The following CCDC88A variants were observed in gnomAD, a reference collection of about 807,000 sequenced individuals.
CCDC88A encodes the protein coiled-coil and HOOK domain protein 88A.
In CCDC88A, 54 loss-of-function variants were observed where a neutral mutation model predicts 234.3. That is an observed-to-expected ratio of 0.23 (90% CI 0.19 to 0.29). The LOEUF is 0.29. CCDC88A is among the 10% of genes least tolerant of loss of function. CCDC88A has a pLI of 1.00. For missense variants in CCDC88A, 1,832 were observed against 2,123.4 expected, an observed-to-expected ratio of 0.86 and a Z score of 2.70; for synonymous variants, 753 against 737.8, an observed-to-expected ratio of 1.02 and a Z score of -0.33.
intron 31 of CCDC88A, chr2:55,295,369 TA>T: frequency 6.5e-7 from 1 of 1,536,018 alleles, no homozygotes; most frequent in South Asian, 1.2e-5. Flanking sequence ...TGGGCCACAG[TA>T]AATGGTCCTA....
chr2:55,414,965 C>A (rs746153596), intron 2 of CCDC88A, among the ~76,000 whole-genome samples: 5 of 150,838 alleles, frequency 3.3e-5, no homozygotes, highest in Non-Finnish European at 5.9e-5. Flanking sequence ...TACTCGGGAG[C>A]CTGAGGCAGG....
chr2:55,411,789 A>AC (rs1397198086), intron 2 of CCDC88A, among the ~76,000 whole-genome samples: 4 of 125,308 alleles, frequency 3.2e-5, no homozygotes, highest in Non-Finnish European at 5.1e-5. Context: ...CAAAAAAAAA[A>AC]AAAAAAAAAA....
In CCDC88A at chr2:55,335,295, C is replaced by G. The variant is rs1574156961; in HGVS notation, c.1657-131G>C. 5.8e-6 allele frequency: 3 copies of G among 520,390 alleles called. No individual in the cohort carries two copies. The highest frequency in any genetic ancestry group is 6.5e-5 in the East Asian group (2 of 30,774). The allele number at this position is 520,390 out of a possible 1,614,324, so 32.2% of individuals were successfully genotyped here. A position where few individuals can be genotyped will look rare whatever the true frequency, so the allele number is the denominator to read the frequency against. ...GAACATGTCTTACTTTTAATTCTGA[C>G]AAGTATTTACTGAAGACCACTGTGT... is the stretch of plus-strand genomic sequence containing the variant. On this transcript the variant is annotated intron_variant, in intron 14 of 32. Transcript: ENST00000436346. This position sits in a 1 kb window ranked among gnomAD's most constrained non-coding sequence, Gnocchi z 4.5.
chr2:55,333,776 G>C (rs1184006430), intron 15 of CCDC88A, among the ~76,000 whole-genome samples: 1 of 151,856 alleles, frequency 6.6e-6, no homozygotes, highest in Non-Finnish European at 1.5e-5. Context: ...TAGCTATCAT[G>C]CTTCTTTATT....
chr2:55,385,269 A>T (rs184282500), intron 3 of CCDC88A, among the ~76,000 whole-genome samples: 4 of 152,302 alleles, frequency 2.6e-5, no homozygotes, highest in Non-Finnish European at 4.4e-5. Flanking sequence ...GAAGAAAAGA[A>T]AATGATTAAT....
At position 55,339,622 on chromosome 2, in the gene CCDC88A, C is replaced by T. The variant is rs781532612; in HGVS notation, c.1360G>A (p.Val454Met). ...AATCTACTTGATGTCAACTCATTCA[C>T]CTCATGGCCCAGGGATTTCTGGGGT... ...EAPQKSLGHEVNELTSSRLLK... is the reference protein window; with the variant it reads ...EAPQKSLGHEMNELTSSRLLK... The change falls in exon 13 of 33, where the codon GTG becomes ATG. Residue 454 changes from valine (V) to methionine (M), a missense_variant. Around this residue, in one of 6 missense-constraint regions of CCDC88A, gnomAD observed 1,282 missense variants for 1,543.6 expected, o/e 0.83. Coordinates refer to ENST00000436346, the MANE Select transcript of CCDC88A (RefSeq NM_001365480.1). 3 of 1,608,420 alleles carry T rather than the reference C, an allele frequency of 1.9e-6. No homozygotes were observed. The highest frequency in any genetic ancestry group is 2.2e-5 in the South Asian group (2 of 89,476).
At position 55,301,970 on chromosome 2, in the gene CCDC88A, T is replaced by G; in HGVS notation, c.4574A>C (p.Lys1525Thr). 1 of 1,614,150 alleles carries G rather than the reference T, an allele frequency of 6.2e-7. No homozygotes were observed. The highest frequency in any genetic ancestry group is 8.5e-7 in the Non-Finnish European group (1 of 1,179,990). Residue 1525 changes from lysine (K) to threonine (T), a missense_variant, in exon 27 of 33, where the codon AAA becomes ACA. Lys to Thr is a moderately conservative substitution (Grantham distance 78). Around this residue, in one of 6 missense-constraint regions of CCDC88A, gnomAD observed 422 missense variants for 416.5 expected, o/e 1.01. Transcript: ENST00000436346. ...PDDISTGKRR[K>T]ELGAMAFSTT... ...AGAGAAGGCCATAGCTCCCAATTCT[T>G]TTCTCCTTTTACCCGTTGAAATATC... is the stretch of plus-strand genomic sequence containing the variant.
At position 55,316,102 on chromosome 2, in the gene CCDC88A, G is replaced by C. The variant is rs373602539; in HGVS notation, c.3759C>G (p.Thr1253=). ...CAGTCTCTTTTAAAAGTTGACTATA[G>C]GTATGATTCAGCCTATAATTAGAAA... ...LCGENDRLNH[T]YSQLLKETEV... The change falls in exon 22 of 33, where the codon ACC becomes ACG. Residue 1253 remains threonine (T), a synonymous_variant. Transcript: ENST00000436346. 9.6e-6 allele frequency: 14 copies of C among 1,451,780 alleles called. No individual in the cohort carries two copies. Among genetic ancestry groups the C allele is most frequent in the African/African-American group, 1.4e-5 (1 of 69,690 alleles). The allele number at this position is 1,451,780 out of a possible 1,614,324, so 89.9% of individuals were successfully genotyped here. A position where few individuals can be genotyped will look rare whatever the true frequency, so the allele number is the denominator to read the frequency against.
Position 55,322,612 on chromosome 2 carries a change from T to G in CCDC88A, c.3078A>C (p.Glu1026Asp), listed in dbSNP as rs1007117688. 1.0e-5 allele frequency: 16 copies of G among 1,607,326 alleles called. No individual in the cohort carries two copies. Among genetic ancestry groups the G allele is most frequent in the Non-Finnish European group, 1.3e-5 (15 of 1,174,572 alleles). The change falls in exon 18 of 33, where the codon GAA becomes GAC. Residue 1026 changes from glutamate (E) to aspartate (D), a missense_variant. Coordinates refer to ENST00000436346, the MANE Select transcript of CCDC88A (RefSeq NM_001365480.1). ...GACTTTCTCGCTCCCATTTGTTGTC[T>G]TCACCAGATATTGGAGGAGAGCTCT... ...MVQSSPPISGEDNKWERESQE... is the reference protein window; with the variant it reads ...MVQSSPPISGDDNKWERESQE...
At position 55,293,916 on chromosome 2, in the gene CCDC88A, C is replaced by CT. The variant is rs766914504; in HGVS notation, c.5551+1680dup. On this transcript the variant is annotated intron_variant, in intron 31 of 32. Transcript: ENST00000436346. ...GTCAAAGTTAACAAATATTTTCTTACTTTTTTTTTTTTTTTTAAGCTAAAG... is the reference window on the plus strand; with the variant it reads ...GTCAAAGTTAACAAATATTTTCTTACTTTTTTTTTTTTTTTTTAAGCTAAAG... 248 of 131,034 alleles carry CT rather than the reference C, an allele frequency of 1.9e-3. 2 individuals carry two copies. Among genetic ancestry groups the CT allele is most frequent in the East Asian group, 6.0e-3 (27 of 4,518 alleles). The allele number at this position is 131,034 out of a possible 1,614,324, so 8.1% of individuals were successfully genotyped here.
Position 55,289,257 on chromosome 2 carries a change from A to G in CCDC88A, c.*1943T>C, listed in dbSNP as rs1679278157. The G allele has an allele frequency of 2.0e-5, 3 of 152,598 alleles. No homozygotes were observed. The highest frequency in any genetic ancestry group is 2.0e-4 in the Admixed American group (3 of 15,276). 9.5% of individuals were successfully genotyped at this position (152,598 alleles called of 1,614,324 possible). ...TCAGCTTTTCAGTAATTGTTCTGGG[A>G]TGTGTTCTAGTTGTGCAAATTAGAT... On this transcript the variant is annotated 3_prime_UTR_variant, in exon 33 of 33. Coordinates refer to ENST00000436346, the MANE Select transcript of CCDC88A (RefSeq NM_001365480.1).
intron 2 of CCDC88A, among the ~76,000 whole-genome samples, chr2:55,390,065 G>C (rs1173247982): frequency 1.5e-5 from 1 of 64,614 alleles, no homozygotes; most frequent in Admixed American, 1.7e-4. Context: ...AATAAAGATA[G>C]AACATTTCAA....
intron 2 of CCDC88A, among the ~76,000 whole-genome samples, chr2:55,393,014 C>A (rs569758476): frequency 2.0e-5 from 3 of 152,022 alleles, no homozygotes; most frequent in African/African-American, 7.2e-5. Flanking sequence ...ACATAGTGAT[C>A]TTTTCTATCA....
chr2:55,337,205 A>C (rs1667908223), intron 13 of CCDC88A: 1 of 160,974 alleles, frequency 6.2e-6, no homozygotes, highest in Admixed American at 6.5e-5. Flanking sequence ...AGGCAGGAGA[A>C]GATATAAAAA....
rs754412860 is a variant in CCDC88A, at chr2:55,328,278, C to T, written c.2997+16G>A. 1 of 1,539,244 alleles carries T rather than the reference C, an allele frequency of 6.5e-7. No individual in the cohort carries two copies. The highest frequency in any genetic ancestry group is 8.7e-7 in the Non-Finnish European group (1 of 1,144,638). Reference sequence around the variant, plus strand: ...AATAAATGATCCTTAAAATTCTTTCCAAGAAAATCACTTACTGTTTTAAGT... The same window carrying T: ...AATAAATGATCCTTAAAATTCTTTCTAAGAAAATCACTTACTGTTTTAAGT... On this transcript the variant is annotated intron_variant, in intron 17 of 32. Coordinates refer to ENST00000436346, the MANE Select transcript of CCDC88A (RefSeq NM_001365480.1). The surrounding 1 kb of genome is among the most constrained non-coding windows in gnomAD (Gnocchi z 4.3).
intron 8 of CCDC88A, among the ~76,000 whole-genome samples, chr2:55,352,970 C>A (rs1346456418): frequency 1.3e-5 from 2 of 152,046 alleles, no homozygotes; most frequent in African/African-American, 2.4e-5. Flanking sequence ...AGATTTACTT[C>A]TTTTTAATAA....
At chr2:55,324,803 G>A (rs1286777113) in intron 17 of CCDC88A, among the ~76,000 whole-genome samples, 2 of 152,086 alleles carry the variant, frequency 1.3e-5, no homozygotes, top group Middle Eastern at 3.4e-3. Context: ...GCGCCACCAC[G>A]CCCAGCTAAT....
intron 22 of CCDC88A, chr2:55,313,298 C>A (rs1233313875): frequency 6.6e-6 from 1 of 152,298 alleles, no homozygotes; most frequent in Non-Finnish European, 1.5e-5. Flanking sequence ...TAACTCCCAA[C>A]CTCAGGTGAT....
chr2:55,399,883 T>C (rs954609366), intron 2 of CCDC88A: 12 of 152,294 alleles, frequency 7.9e-5, no homozygotes, highest in Non-Finnish European at 1.5e-4. Context: ...ATGCATCCTA[T>C]ATAAAGACAG....
Sources: gnomAD v4.1 joint callset for allele counts (sites outside exome capture counted in the v4.1 genomes callset) on GRCh38, gnomAD v4.1.1 for gene constraint, gnomAD v4.1.1 regional missense constraint, Gnocchi (gnomAD v3.1) non-coding constraint, MANE v1.5 for transcripts, NCBI Gene and HGNC (gene_info 2026-07-23, HGNC 2026-07-21) for gene names.